Variants in ADK observed in about 807,000 individuals in gnomAD.
The protein encoded by ADK is adenosine kinase, also known as N6,N6-dimethyladenosine kinase.
Under a neutral mutation model 44.7 loss-of-function variants are expected in ADK, and 24 were observed. The observed-to-expected ratio is 0.54, with a 90% CI of 0.39 to 0.76. The LOEUF (loss-of-function observed/expected upper bound fraction) is 0.76, where lower values mean the gene tolerates loss of function less well. ADK is among the 30% of genes least tolerant of loss of function. The pLI, the probability that ADK is intolerant of heterozygous loss-of-function variation, is 0.00. For synonymous variants in ADK, 128 were observed against 142.6 expected (o/e 0.90, Z 0.73); for missense variants, 321 against 425.1 (o/e 0.76, Z 2.15).
chr10:74,260,040 T>C (rs1591947508), intron 3 of ADK, among the ~76,000 whole-genome samples: 2 of 152,124 alleles, frequency 1.3e-5, no homozygotes, highest in Admixed American at 6.6e-5. Context: ...TGACCCATTA[T>C]AGCTTTGGCC....
At chr10:74,283,356 ACT>A (rs541301437) in intron 3 of ADK, among the ~76,000 whole-genome samples, 26 of 150,524 alleles carry the variant, frequency 1.7e-4, no homozygotes, top group Middle Eastern at 3.4e-3. Flanking sequence ...GTTTGACTTT[ACT>A]CTCTATATAC....
chr10:74,212,522 G>A (rs1314242709), intron 2 of ADK, among the ~76,000 whole-genome samples: 2 of 152,168 alleles, frequency 1.3e-5, no homozygotes, highest in Non-Finnish European at 2.9e-5. Flanking sequence ...GTTATCTATG[G>A]AAGCTCAGTT....
At chr10:74,409,295 C>CATA (rs1844078526) in intron 6 of ADK, among the ~76,000 whole-genome samples, 1 of 152,056 alleles carries the variant, frequency 6.6e-6, no homozygotes, top group South Asian at 2.1e-4. Flanking sequence ...CAAGTTTAGG[C>CATA]TTATTATGGG....
chr10:74,471,296 G>A (rs914859607), intron 6 of ADK, among the ~76,000 whole-genome samples: 2 of 151,858 alleles, frequency 1.3e-5, no homozygotes, highest in Non-Finnish European at 2.9e-5. Flanking sequence ...GGATGGTCTC[G>A]ATCTCCTGAC....
At chr10:74,615,751 C>G (rs1230663745) in intron 9 of ADK, among the ~76,000 whole-genome samples, 1 of 152,134 alleles carries the variant, frequency 6.6e-6, no homozygotes, top group Admixed American at 6.5e-5. Flanking sequence ...CTCTGTCGCC[C>G]AGGCTGGAGT....
chr10:74,513,972 C>T (rs1382209845), intron 6 of ADK, among the ~76,000 whole-genome samples: 3 of 152,120 alleles, frequency 2.0e-5, no homozygotes, highest in African/African-American at 7.2e-5. Context: ...TGTAAGACCC[C>T]CTTGAGCATT....
At chr10:74,266,195 G>A (rs906255772) in intron 3 of ADK, among the ~76,000 whole-genome samples, 7 of 152,170 alleles carry the variant, frequency 4.6e-5, no homozygotes, top group Non-Finnish European at 1.0e-4. Context: ...AGTACAGGAC[G>A]CTAGGTGGTG....
At chr10:74,394,000 A>G in intron 4 of ADK, 141 bp from the exon 5 acceptor site, 1 of 856,210 alleles carries the variant, frequency 1.2e-6, no homozygotes, top group Non-Finnish European at 2.0e-6. Context: ...ATCGTAAGTG[A>G]TAGCACAGAA....
chr10:74,512,608 A>G (rs1848383821), intron 6 of ADK, among the ~76,000 whole-genome samples: 1 of 151,386 alleles, frequency 6.6e-6, no homozygotes, highest in Non-Finnish European at 1.5e-5. Context: ...GTATTTCTGT[A>G]GTATCTTTTG....
At chr10:74,526,128 C>T (rs1403947957) in intron 7 of ADK, among the ~76,000 whole-genome samples, 2 of 151,838 alleles carry the variant, frequency 1.3e-5, no homozygotes, top group Non-Finnish European at 2.9e-5. Flanking sequence ...AGTCTAAGTC[C>T]ATTTGATATT....
chr10:74,422,283 A>G (rs923416157), intron 6 of ADK, among the ~76,000 whole-genome samples: 2 of 152,234 alleles, frequency 1.3e-5, no homozygotes, highest in African/African-American at 4.8e-5. Flanking sequence ...ACATTCTACC[A>G]CATAAGTTGA....
At chr10:74,204,655 T>G (rs1368955276) in intron 2 of ADK, among the ~76,000 whole-genome samples, 1 of 152,248 alleles carries the variant, frequency 6.6e-6, no homozygotes, top group Non-Finnish European at 1.5e-5. Context: ...CAGAAAATAC[T>G]ACTATATACA....
intron 9 of ADK, among the ~76,000 whole-genome samples, chr10:74,610,193 A>G (rs932976018): frequency 3.9e-5 from 6 of 152,224 alleles, no homozygotes; most frequent in Admixed American, 6.5e-5. Flanking sequence ...ATGAACAGAT[A>G]AATAAAATGT....
intron 10 of ADK, among the ~76,000 whole-genome samples, chr10:74,678,195 G>A (rs891001167): frequency 6.6e-6 from 1 of 151,506 alleles, no homozygotes; most frequent in Non-Finnish European, 1.5e-5. Context: ...AGTAGTTCAG[G>A]TTCATGCAAC....
intron 6 of ADK, among the ~76,000 whole-genome samples, chr10:74,454,396 T>A (rs1845871791): frequency 6.6e-6 from 1 of 152,108 alleles, no homozygotes; most frequent in Non-Finnish European, 1.5e-5. Context: ...CTTTTTATTT[T>A]AAAAAATATA....
At chr10:74,544,033 A>G (rs967535248) in intron 7 of ADK, among the ~76,000 whole-genome samples, 2 of 151,922 alleles carry the variant, frequency 1.3e-5, no homozygotes, top group Non-Finnish European at 2.9e-5. Context: ...CTTATCATCA[A>G]TACTCATTTC....
intron 6 of ADK, among the ~76,000 whole-genome samples, chr10:74,490,312 G>A (rs1370378621): frequency 6.6e-6 from 1 of 151,938 alleles, no homozygotes; most frequent in East Asian, 1.9e-4. Flanking sequence ...CTTTGAATAG[G>A]TCCAACATAT....
At chr10:74,405,473 T>A (rs191330004) in intron 6 of ADK, among the ~76,000 whole-genome samples, 1,643 of 152,080 alleles carry the variant, frequency 0.011, 29 homozygotes, top group African/African-American at 0.037. Flanking sequence ...TCTTTTTTTT[T>A]AGATTTTATT....
intron 1 of ADK, among the ~76,000 whole-genome samples, chr10:74,195,699 T>G (rs1335409859): frequency 9.0e-6 from 1 of 110,590 alleles, no homozygotes; most frequent in Non-Finnish European, 1.9e-5. Context: ...TTTCTTTTTC[T>G]TTTCTTTCTT....
Sources: gnomAD v4.1 joint callset for allele counts (sites outside exome capture counted in the v4.1 genomes callset) on GRCh38, gnomAD v4.1.1 for gene constraint, MANE v1.5 for transcripts, NCBI Gene and HGNC (gene_info 2026-07-23, HGNC 2026-07-21) for gene names.